The following PRKCE variants were observed in gnomAD, a reference collection of about 807,000 sequenced individuals.
PRKCE encodes protein kinase C epsilon type.
PRKCE carries 16 observed loss-of-function variants against 85.4 expected under a neutral mutation model. The ratio of observed to expected loss-of-function variants is 0.19; its 90% CI spans 0.13 to 0.28. The LOEUF is 0.28. PRKCE is among the 10% of genes least tolerant of loss of function. The pLI is 1.00. For synonymous variants in PRKCE, 388 were observed against 371.5 expected (o/e 1.04, Z -0.51); for missense variants, 573 against 975.2 (o/e 0.59, Z 5.49).
intron 1 of PRKCE, chr2:45,701,647 G>C (rs1218055364): frequency 6.6e-6 from 1 of 152,206 alleles, no homozygotes; most frequent in African/African-American, 2.4e-5. Context: ...CCCCACATGA[G>C]ATAATGCAGT....
chr2:45,651,899 G>A lies in PRKCE; in HGVS notation c.-202G>A, dbSNP rs566684209. 1.0e-5 allele frequency: 5 copies of A among 489,242 alleles called. No individual in the cohort carries two copies. The highest frequency in any genetic ancestry group is 7.7e-5 in the African/African-American group (4 of 51,740). The allele number at this position is 489,242 out of a possible 1,614,324, so 30.3% of individuals were successfully genotyped here. A position where few individuals can be genotyped will look rare whatever the true frequency, so the allele number is the denominator to read the frequency against. ...CAGCTCTCCCCCCTCCCTGTTTTCC[G>A]TTAGGAACCCGGCGAGGAAATACAT... is the stretch of plus-strand genomic sequence containing the variant. On this transcript the variant is annotated 5_prime_UTR_variant, in exon 1 of 15. Transcript: ENST00000306156.
At chr2:45,957,125 G>T (rs1444735562) in intron 2 of PRKCE, among the ~76,000 whole-genome samples, 1 of 152,322 alleles carries the variant, frequency 6.6e-6, no homozygotes, top group East Asian at 1.9e-4. Context: ...AACAGCAGAG[G>T]TTATTAATTT....
intron 2 of PRKCE, among the ~76,000 whole-genome samples, chr2:45,928,626 T>G (rs1232554366): frequency 6.6e-6 from 1 of 152,152 alleles, no homozygotes; most frequent in East Asian, 1.9e-4. Flanking sequence ...CACAACAATG[T>G]GTATAGAAGT....
At chr2:45,992,810 T>G (rs2122112) in intron 6 of PRKCE, among the ~76,000 whole-genome samples, 109,775 of 152,078 alleles carry the variant, frequency 0.72, 40,180 homozygotes, top group East Asian at 0.87. Context: ...TCTCTCCAAA[T>G]GACGGTAGGA....
intron 1 of PRKCE, among the ~76,000 whole-genome samples, chr2:45,829,870 G>A (rs1418104092): frequency 2.6e-5 from 4 of 151,834 alleles, no homozygotes; most frequent in African/African-American, 4.8e-5. Flanking sequence ...TCAGGAGATC[G>A]AGACCATCCT....
chr2:45,657,505 T>C (rs907216191), intron 1 of PRKCE, among the ~76,000 whole-genome samples: 2 of 152,274 alleles, frequency 1.3e-5, no homozygotes, highest in African/African-American at 4.8e-5. Context: ...TCAATGCATA[T>C]CTACTATAAT....
At chr2:45,842,899 T>A in intron 1 of PRKCE, 101 bp from the exon 2 acceptor site, 1 of 1,054,518 alleles carries the variant, frequency 9.5e-7, no homozygotes, top group South Asian at 1.3e-5. Context: ...TACATGGAGC[T>A]GTGTCTCTAG....
chr2:46,161,020 G>A (rs1011137976), intron 14 of PRKCE, among the ~76,000 whole-genome samples: 3 of 152,182 alleles, frequency 2.0e-5, no homozygotes, highest in Non-Finnish European at 2.9e-5. Context: ...CACAAGCTTG[G>A]GACAGCCCAG....
At chr2:46,046,300 G>A (rs938004445) in intron 10 of PRKCE, among the ~76,000 whole-genome samples, 18 of 152,318 alleles carry the variant, frequency 1.2e-4, no homozygotes, top group African/African-American at 4.1e-4. Flanking sequence ...TGCTCTAGCC[G>A]TTGGATATAG....
intron 2 of PRKCE, among the ~76,000 whole-genome samples, chr2:45,965,368 T>C (rs2104452564): frequency 6.6e-6 from 1 of 152,248 alleles, no homozygotes; most frequent in East Asian, 1.9e-4. Flanking sequence ...GCTGCTTTGA[T>C]TTTTAGTACC....
intron 11 of PRKCE, among the ~76,000 whole-genome samples, chr2:46,111,358 A>G (rs1672238057): frequency 6.6e-6 from 1 of 152,176 alleles, no homozygotes; most frequent in African/African-American, 2.4e-5. Flanking sequence ...ATACTATATA[A>G]TTCATGCATT....
At chr2:46,093,563 CTGTTGTCCAGGCTGCCATGCAG>C (rs1244981326) in intron 11 of PRKCE, among the ~76,000 whole-genome samples, 1 of 144,282 alleles carries the variant, frequency 6.9e-6, no homozygotes, top group African/African-American at 2.6e-5. Flanking sequence ...GGGTCTTGCT[CTGTTGTCCAGGCTGCCATGCAG>C]TGTTACAATG....
Position 46,184,586 on chromosome 2 carries a change from C to T in PRKCE, c.2068-149C>T, listed in dbSNP as rs1680312515. The T allele has an allele frequency of 9.1e-6, 9 of 992,182 alleles. No individual in the cohort carries two copies. The highest frequency in any genetic ancestry group is 1.2e-5 in the Non-Finnish European group (8 of 670,688). The allele number at this position is 992,182 out of a possible 1,614,324, so 61.5% of individuals were successfully genotyped here. Reference sequence around the variant, plus strand: ...CGGGTCCTGGGGCCATCCATCGTTACCTCATCGGGACAGCCCCGTGTCTGC... The same window carrying T: ...CGGGTCCTGGGGCCATCCATCGTTATCTCATCGGGACAGCCCCGTGTCTGC... On this transcript the variant is annotated intron_variant, in intron 14 of 14. Coordinates refer to ENST00000306156, the MANE Select transcript of PRKCE (RefSeq NM_005400.3). The surrounding 1 kb of genome is among the most constrained non-coding windows in gnomAD (Gnocchi z 5.0).
Position 45,774,435 on chromosome 2 carries a change from T to G in PRKCE, c.349-68565T>G, listed in dbSNP as rs1263540058. On this transcript the variant is annotated intron_variant, in intron 1 of 14. Coordinates refer to ENST00000306156, the MANE Select transcript of PRKCE (RefSeq NM_005400.3). The surrounding 1 kb of genome is among the most constrained non-coding windows in gnomAD (Gnocchi z 4.3). Reference sequence around the variant, plus strand: ...GAGGCCTGTACAGGCAAACTCAGCATCAGCACGGCTTTAGAGACCGAGTGC... The same window carrying G: ...GAGGCCTGTACAGGCAAACTCAGCAGCAGCACGGCTTTAGAGACCGAGTGC... Among the ~76,000 whole-genome samples, 1 of 152,188 alleles carries G rather than the reference T, an allele frequency of 6.6e-6. No homozygotes were observed. The highest frequency in any genetic ancestry group is 1.5e-5 in the Non-Finnish European group (1 of 68,026).
intron 2 of PRKCE, among the ~76,000 whole-genome samples, chr2:45,885,266 T>C (rs1695209453): frequency 6.6e-6 from 1 of 152,076 alleles, no homozygotes; most frequent in East Asian, 1.9e-4. Context: ...CAGTTAAATT[T>C]AATCACACCA....
At chr2:45,868,181 C>T (rs980528766) in intron 2 of PRKCE, among the ~76,000 whole-genome samples, 1 of 150,192 alleles carries the variant, frequency 6.7e-6, no homozygotes, top group African/African-American at 2.4e-5. Flanking sequence ...ACAAAAACAC[C>T]CATGCCTGGT....
At chr2:45,846,861 C>G (rs73928835) in intron 2 of PRKCE, among the ~76,000 whole-genome samples, 1 of 152,158 alleles carries the variant, frequency 6.6e-6, no homozygotes, top group African/African-American at 2.4e-5. Flanking sequence ...ACAGTGCCCT[C>G]GCATGTAAGA....
chr2:46,128,365 T>C (rs1332553246), intron 11 of PRKCE, among the ~76,000 whole-genome samples: 6 of 152,256 alleles, frequency 3.9e-5, no homozygotes, highest in Non-Finnish European at 7.3e-5. Context: ...CTAACATTTG[T>C]TAAGCACCCA....
chr2:45,881,152 C>CA (rs770824515), intron 2 of PRKCE, among the ~76,000 whole-genome samples: 36,698 of 91,012 alleles, frequency 0.4, 6,492 homozygotes, highest in East Asian at 0.61. Context: ...GACTCCGTCT[C>CA]AAAAAAAAAA....
Sources: gnomAD v4.1 joint callset for allele counts (sites outside exome capture counted in the v4.1 genomes callset) on GRCh38, gnomAD v4.1.1 for gene constraint, Gnocchi (gnomAD v3.1) non-coding constraint, MANE v1.5 for transcripts, NCBI Gene and HGNC (gene_info 2026-07-23, HGNC 2026-07-21) for gene names.